Variants in COL23A1 observed in about 807,000 individuals in gnomAD.
COL23A1 encodes the protein collagen type XXIII alpha 1 chain.
In COL23A1, 97 loss-of-function variants were observed where a neutral mutation model predicts 99.3. That is an observed-to-expected ratio of 0.98 (90% CI 0.83 to 1.16). COL23A1 has a LOEUF of 1.16. Ranked by LOEUF, COL23A1 falls within the 50% of genes most tolerant of loss-of-function variation. The pLI, the probability that COL23A1 is intolerant of heterozygous loss-of-function variation, is 0.00. For synonymous variants in COL23A1, 320 were observed against 308.2 expected (o/e 1.04, Z -0.40); for missense variants, 762 against 757.4 (o/e 1.01, Z -0.07).
At chr5:178,259,579 T>A (rs1284158872) in intron 12 of COL23A1, 142 bp downstream of exon 12, 4 of 741,570 alleles carry the variant, frequency 5.4e-6, no homozygotes, top group Non-Finnish European at 8.6e-6. Flanking sequence ...TCAGGGCTGG[T>A]GGAGAGAAGG....
chr5:178,242,222 C>A (rs1250104780), intron 26 of COL23A1, 94 bp from the exon 27 acceptor site: 8 of 1,467,336 alleles, frequency 5.5e-6, no homozygotes, highest in Non-Finnish European at 7.5e-6. Context: ...GCCAGCCTCC[C>A]CCTGCCTCCG....
rs554946209 is a variant in COL23A1, at chr5:178,527,198, G to A, written c.361+33484C>T. Among the ~76,000 whole-genome samples the A allele has an allele frequency of 7.9e-5, 12 of 151,690 alleles. 1 individual carries two copies. The highest frequency in any genetic ancestry group is 2.7e-4 in the African/African-American group (11 of 41,004). On this transcript the variant is annotated intron_variant, in intron 2 of 28. Coordinates refer to ENST00000390654, the MANE Select transcript of COL23A1 (RefSeq NM_173465.4). Reference sequence around the variant, plus strand: ...GCGGGGGGCCCTCGGTGAGGAGAGTGGGGGACAGCACCAGGCATGCTGGCA... The same window carrying A: ...GCGGGGGGCCCTCGGTGAGGAGAGTAGGGGACAGCACCAGGCATGCTGGCA...
chr5:178,348,438 A>G (rs1010596417), intron 2 of COL23A1, among the ~76,000 whole-genome samples: 22 of 151,428 alleles, frequency 1.5e-4, no homozygotes, highest in African/African-American at 4.6e-4. Flanking sequence ...CCCCACCCCC[A>G]CCGCAGCCCT....
At chr5:178,514,157 C>T (rs1759374059) in intron 2 of COL23A1, among the ~76,000 whole-genome samples, 1 of 152,200 alleles carries the variant, frequency 6.6e-6, no homozygotes, top group Non-Finnish European at 1.5e-5. Flanking sequence ...TGGACTCAGG[C>T]TGTATTTGTC....
chr5:178,511,991 C>A (rs558411547), intron 2 of COL23A1, among the ~76,000 whole-genome samples: 2 of 152,174 alleles, frequency 1.3e-5, no homozygotes, highest in Non-Finnish European at 2.9e-5. Flanking sequence ...TTTTGGACGG[C>A]CATTTGGAAA....
intron 2 of COL23A1, chr5:178,344,940 A>G (rs1296666309): frequency 6.2e-6 from 4 of 645,424 alleles, no homozygotes; most frequent in African/African-American, 3.6e-5. Flanking sequence ...TCCAGAAAAG[A>G]GAAAGTGCCA....
chr5:178,272,853 A>T (rs1756370573), intron 5 of COL23A1, among the ~76,000 whole-genome samples: 1 of 151,550 alleles, frequency 6.6e-6, no homozygotes, highest in Admixed American at 6.6e-5. Flanking sequence ...CATGGCCGCC[A>T]GTCCTTCCTG....
At chr5:178,476,625 C>T (rs1234232142) in intron 2 of COL23A1, among the ~76,000 whole-genome samples, 1 of 152,244 alleles carries the variant, frequency 6.6e-6, no homozygotes, top group Admixed American at 6.5e-5. Context: ...ATTCTGCCTG[C>T]CGTGCTCCTC....
rs959047495 is a variant in COL23A1, at chr5:178,407,350, C to T, written c.362-100431G>A. 7.2e-5 allele frequency among the ~76,000 whole-genome samples: 11 copies of T among 152,218 alleles called. No homozygotes were observed. In the East Asian group the frequency reaches 1.2e-3, roughly 16 times the overall value. On this transcript the variant is annotated intron_variant, in intron 2 of 28. Transcript: ENST00000390654. ...TCCCCCTTTATCATCAGCATGGTGT[C>T]GGAGGGGGCCAGCTGAAGCACAAGA...
chr5:178,438,356 T>C (rs536791672), intron 2 of COL23A1, among the ~76,000 whole-genome samples: 8 of 152,374 alleles, frequency 5.3e-5, no homozygotes, highest in Middle Eastern at 6.8e-3. Flanking sequence ...AGCTATCATA[T>C]TGTTTATTTA....
intron 24 of COL23A1, 139 bp downstream of exon 24, chr5:178,246,115 A>G: frequency 7.7e-7 from 1 of 1,293,008 alleles, no homozygotes; most frequent in Admixed American, 1.9e-5. Flanking sequence ...GCCAGGACAG[A>G]CCTGGCATCC....
intron 2 of COL23A1, among the ~76,000 whole-genome samples, chr5:178,370,009 C>A (rs542888776): frequency 2.0e-5 from 3 of 152,296 alleles, no homozygotes; most frequent in Admixed American, 1.3e-4. Context: ...CTGGAGGAAC[C>A]ACTGAGGGCA....
At chr5:178,379,053 A>G (rs974860439) in intron 2 of COL23A1, among the ~76,000 whole-genome samples, 1 of 152,218 alleles carries the variant, frequency 6.6e-6, no homozygotes, top group Non-Finnish European at 1.5e-5. Flanking sequence ...CTGCAGAAAC[A>G]TTAGCCTGTC....
intron 2 of COL23A1, among the ~76,000 whole-genome samples, chr5:178,320,830 C>A (rs1759255831): frequency 6.6e-6 from 1 of 152,244 alleles, no homozygotes; most frequent in South Asian, 2.1e-4. Context: ...TCCTTTCCCT[C>A]TAAAGCCACA....
chr5:178,418,170 G>A (rs1473166172), intron 2 of COL23A1, among the ~76,000 whole-genome samples: 1 of 152,240 alleles, frequency 6.6e-6, no homozygotes, highest in Non-Finnish European at 1.5e-5. Flanking sequence ...GTTTCATAAT[G>A]TGTAAAATGT....
rs1217803583 is a variant in COL23A1 at position 178,307,717 on chromosome 5, C to CCATCCTT, written c.362-805_362-799dup. Among the ~76,000 whole-genome samples the CCATCCTT allele has an allele frequency of 6.6e-6, 1 of 152,254 alleles. No homozygotes were observed. The highest frequency in any genetic ancestry group is 2.4e-5 in the African/African-American group (1 of 41,460). On this transcript the variant is annotated intron_variant, in intron 2 of 28. Transcript: ENST00000390654. This position sits in a 1 kb window ranked among gnomAD's most constrained non-coding sequence, Gnocchi z 4.2. ...CCCCTCACCTCTGTGGCGCTCACTG[C>CCATCCTT]CATCCTTCCTGGCGCCCCTTCTCGC...
chr5:178,258,262 T>TATATATATATATATACATACACAC, intron 12 of COL23A1, among the ~76,000 whole-genome samples: 2 of 104,066 alleles, frequency 1.9e-5, no homozygotes, highest in African/African-American at 3.0e-5. Context: ...TATATATATA[T>TATATATATATATATACATACACAC]ACACATGCAA....
chr5:178,452,103 C>T (rs4976726), intron 2 of COL23A1, among the ~76,000 whole-genome samples: 136,466 of 152,204 alleles, frequency 0.9, 61,432 homozygotes, highest in East Asian at 1. Flanking sequence ...CTATCAGATA[C>T]CACGATGTAT....
chr5:178,506,891 G>A (rs796892331), intron 2 of COL23A1, among the ~76,000 whole-genome samples: 16 of 152,278 alleles, frequency 1.1e-4, no homozygotes, highest in African/African-American at 3.6e-4. Context: ...TGCGTTCAAA[G>A]TCACTTGAAA....
Sources: gnomAD v4.1 joint callset for allele counts (sites outside exome capture counted in the v4.1 genomes callset) on GRCh38, gnomAD v4.1.1 for gene constraint, Gnocchi (gnomAD v3.1) non-coding constraint, MANE v1.5 for transcripts, NCBI Gene and HGNC (gene_info 2026-07-23, HGNC 2026-07-21) for gene names.